Variants in PEX5L observed in about 807,000 individuals in gnomAD.
The protein encoded by PEX5L is peroxisomal biogenesis factor 5 like.
PEX5L carries 30 observed loss-of-function variants against 84.0 expected under a neutral mutation model. The ratio of observed to expected loss-of-function variants is 0.36; its 90% confidence interval spans 0.27 to 0.48. The LOEUF (loss-of-function observed/expected upper bound fraction) is 0.48. Ranked by LOEUF, PEX5L falls within the 20% of genes least tolerant of loss-of-function variation. The pLI, the probability that PEX5L is intolerant of heterozygous loss-of-function variation, is 0.99. For missense variants in PEX5L, 533 were observed against 754.6 expected (o/e 0.71, Z 3.44); for synonymous variants, 270 against 283.1 (o/e 0.95, Z 0.46).
intron 5 of PEX5L, among the ~76,000 whole-genome samples, chr3:179,878,214 A>G (rs1284586663): frequency 6.6e-6 from 1 of 152,186 alleles, no homozygotes; most frequent in African/African-American, 2.4e-5. Flanking sequence ...CATGTTCTAC[A>G]TGTCCCCATT....
intron 1 of PEX5L, chr3:179,974,210 A>T: frequency 1.0e-6 from 1 of 985,180 alleles, no homozygotes; most frequent in Non-Finnish European, 1.2e-6. Context: ...CAGTAGCCAA[A>T]GGACTGAACT....
At chr3:179,978,453 C>T (rs1180495886) in intron 1 of PEX5L, among the ~76,000 whole-genome samples, 1 of 152,106 alleles carries the variant, frequency 6.6e-6, no homozygotes, top group Non-Finnish European at 1.5e-5. Flanking sequence ...ATTTCAAACA[C>T]ACTGCAAAGT....
At chr3:179,956,767 A>G (rs1056782194) in intron 2 of PEX5L, among the ~76,000 whole-genome samples, 1 of 152,188 alleles carries the variant, frequency 6.6e-6, no homozygotes, top group Non-Finnish European at 1.5e-5. Context: ...GCGACGCAAC[A>G]TGCACGGTGC....
chr3:179,802,137 T>TA (rs1034629569), intron 14 of PEX5L, 105 bp from the exon 15 acceptor site: 2 of 780,434 alleles, frequency 2.6e-6, no homozygotes, highest in African/African-American at 3.4e-5. Flanking sequence ...TCTAAAATCT[T>TA]AAATCACCTC....
intron 5 of PEX5L, among the ~76,000 whole-genome samples, 175 bp from the exon 6 acceptor site, chr3:179,875,652 T>C (rs538903402): frequency 2.0e-5 from 3 of 152,304 alleles, no homozygotes; most frequent in South Asian, 4.2e-4. Context: ...AGCCCCAAGA[T>C]CAACCTTTAT....
At chr3:180,020,431 C>G (rs1790328727) in intron 1 of PEX5L, among the ~76,000 whole-genome samples, 1 of 151,772 alleles carries the variant, frequency 6.6e-6, no homozygotes, top group Non-Finnish European at 1.5e-5. Flanking sequence ...ACTCTAGATA[C>G]TATTTAAATT....
intron 1 of PEX5L, among the ~76,000 whole-genome samples, chr3:180,007,614 A>C (rs575056028): frequency 8.7e-4 from 132 of 152,368 alleles, no homozygotes; most frequent in African/African-American, 3.1e-3. Context: ...CCCCTGCAGC[A>C]AACTTTTGCC....
chr3:179,952,806 C>CA (rs1560887093), intron 2 of PEX5L, among the ~76,000 whole-genome samples: 1 of 152,054 alleles, frequency 6.6e-6, no homozygotes, highest in Non-Finnish European at 1.5e-5. Flanking sequence ...CAATTCTAAG[C>CA]AAAAAGAAGA....
chr3:179,902,834 G>C (rs1337258988), intron 2 of PEX5L: 1 of 354,018 alleles, frequency 2.8e-6, no homozygotes, highest in East Asian at 7.2e-5. Flanking sequence ...TTCTTTATCA[G>C]AGATATTAAA....
intron 1 of PEX5L, among the ~76,000 whole-genome samples, chr3:179,993,354 G>C (rs1479082364): frequency 1.3e-5 from 2 of 152,122 alleles, no homozygotes; most frequent in Non-Finnish European, 2.9e-5. Context: ...AGGGATCATA[G>C]TGTGTACAAT....
intron 8 of PEX5L, among the ~76,000 whole-genome samples, chr3:179,846,708 AG>A (rs1739483143): frequency 1.3e-5 from 2 of 152,206 alleles, no homozygotes; most frequent in African/African-American, 2.4e-5. Flanking sequence ...AGGCAGAGAA[AG>A]GGAGAATTTA....
chr3:179,827,708 G>C (rs1731060405), intron 8 of PEX5L, among the ~76,000 whole-genome samples: 1 of 152,136 alleles, frequency 6.6e-6, no homozygotes, highest in Non-Finnish European at 1.5e-5. Context: ...CTTCTTTGAA[G>C]GGTTGGTAGG....
At chr3:179,980,175 GA>G (rs1786190674) in intron 1 of PEX5L, among the ~76,000 whole-genome samples, 1 of 152,072 alleles carries the variant, frequency 6.6e-6, no homozygotes. Flanking sequence ...TTTTGTTTCT[GA>G]CAAGAATCAA....
chr3:179,874,253 A>C, intron 7 of PEX5L, 74 bp downstream of exon 7: 2 of 876,308 alleles, frequency 2.3e-6, no homozygotes, highest in Non-Finnish European at 3.6e-6. Context: ...TTTTGTACAA[A>C]ATGAAAATAA....
chr3:179,886,934 C>G (rs1756058750), intron 4 of PEX5L, among the ~76,000 whole-genome samples: 1 of 152,206 alleles, frequency 6.6e-6, no homozygotes. Flanking sequence ...TTCTGAACAT[C>G]ATTTTTTCAT....
intron 2 of PEX5L, among the ~76,000 whole-genome samples, chr3:179,900,921 C>T (rs531557712): frequency 2.9e-4 from 44 of 152,310 alleles, no homozygotes; most frequent in African/African-American, 1.1e-3. Context: ...TGTCTAAAAC[C>T]ACTGCCAAAT....
At chr3:179,869,138 T>C (rs1262484732) in intron 7 of PEX5L, among the ~76,000 whole-genome samples, 1 of 152,180 alleles carries the variant, frequency 6.6e-6, no homozygotes, top group Non-Finnish European at 1.5e-5. Flanking sequence ...ACTTGGCACT[T>C]GGAGAGCTGG....
At chr3:179,971,193 T>TCTCTCTCTCTC (rs374504805) in intron 2 of PEX5L, among the ~76,000 whole-genome samples, 50 of 151,700 alleles carry the variant, frequency 3.3e-4, no homozygotes, top group African/African-American at 8.7e-4. Context: ...TTTTCTCTCT[T>TCTCTCTCTCTC]TCTCTCTCTC....
chr3:180,024,347 AATATATATATATAT>A (rs148495757), intron 1 of PEX5L, among the ~76,000 whole-genome samples: 3 of 107,670 alleles, frequency 2.8e-5, no homozygotes, highest in South Asian at 3.4e-4. Flanking sequence ...GTCCCTACTA[AATATATATATATAT>A]ATATATATAT....
Sources: gnomAD v4.1 joint callset for allele counts (sites outside exome capture counted in the v4.1 genomes callset) on GRCh38, gnomAD v4.1.1 for gene constraint, MANE v1.5 for transcripts, NCBI Gene and HGNC (gene_info 2026-07-23, HGNC 2026-07-21) for gene names.